The following KHDRBS2 variants were observed in gnomAD, a reference collection of about 807,000 sequenced individuals.
KHDRBS2 encodes KH domain-containing, RNA-binding, signal transduction-associated protein 2.
KHDRBS2 carries 26 observed loss-of-function variants against 44.3 expected under a neutral mutation model. The observed-to-expected ratio is 0.59, with a 90% confidence interval of 0.43 to 0.81. The LOEUF is 0.81. Ranked by LOEUF, KHDRBS2 falls within the 40% of genes least tolerant of loss-of-function variation. The pLI, the probability that KHDRBS2 is intolerant of heterozygous loss-of-function variation, is 0.00. For missense variants in KHDRBS2, 476 were observed against 433.1 expected, an observed-to-expected ratio of 1.10 and a Z score of -0.88; for synonymous variants, 194 against 151.1, an observed-to-expected ratio of 1.28 and a Z score of -2.08.
At chr6:61,764,019 C>A (rs1177312917) in intron 6 of KHDRBS2, among the ~76,000 whole-genome samples, 1 of 151,978 alleles carries the variant, frequency 6.6e-6, no homozygotes, top group Admixed American at 6.6e-5. Flanking sequence ...TGTGTTCTTC[C>A]CCTCCCTGTG....
At chr6:61,713,745 A>G (rs1770913692) in intron 7 of KHDRBS2, among the ~76,000 whole-genome samples, 2 of 151,774 alleles carry the variant, frequency 1.3e-5, no homozygotes, top group Admixed American at 6.6e-5. Context: ...CCACATATTT[A>G]CAGCCATCTG....
intron 1 of KHDRBS2, among the ~76,000 whole-genome samples, chr6:62,259,743 C>T (rs1369444697): frequency 6.6e-6 from 1 of 151,792 alleles, no homozygotes; most frequent in Non-Finnish European, 1.5e-5. Flanking sequence ...AAGGTAAAAG[C>T]CACTCCAAGG....
chr6:61,747,523 A>C (rs1777045387), intron 6 of KHDRBS2, among the ~76,000 whole-genome samples: 1 of 152,162 alleles, frequency 6.6e-6, no homozygotes, highest in Admixed American at 6.5e-5. Flanking sequence ...AGCAATTTTT[A>C]CACATTATTT....
chr6:62,092,056 T>C (rs1180354531), intron 2 of KHDRBS2, among the ~76,000 whole-genome samples: 2 of 152,188 alleles, frequency 1.3e-5, no homozygotes, highest in East Asian at 3.8e-4. Flanking sequence ...AGTAGGACTC[T>C]TGTTACTATT....
At chr6:62,045,730 A>T (rs1033855096) in intron 3 of KHDRBS2, among the ~76,000 whole-genome samples, 4 of 152,038 alleles carry the variant, frequency 2.6e-5, no homozygotes, top group Non-Finnish European at 5.9e-5. Context: ...AATAATTAGA[A>T]AAAACAAAAT....
the KHDRBS2 span, among the ~76,000 whole-genome samples, chr6:61,671,886 G>A: frequency 6.6e-6 from 1 of 151,554 alleles, no homozygotes; most frequent in Admixed American, 6.6e-5. Context: ...TAGGGTACAT[G>A]TGCACAATGT....
intron 6 of KHDRBS2, among the ~76,000 whole-genome samples, chr6:61,803,240 T>C (rs1786572120): frequency 6.6e-6 from 1 of 152,136 alleles, no homozygotes; most frequent in Admixed American, 6.5e-5. Context: ...ACAATTACTT[T>C]GCAGGCAGTA....
intron 4 of KHDRBS2, among the ~76,000 whole-genome samples, chr6:61,936,607 C>T (rs1013746598): frequency 2.0e-5 from 3 of 151,776 alleles, no homozygotes; most frequent in African/African-American, 7.2e-5. Flanking sequence ...TGGTTTCCTT[C>T]GGGCTTCAGC....
the KHDRBS2 span, among the ~76,000 whole-genome samples, chr6:61,545,060 C>T: frequency 1.3e-5 from 2 of 151,912 alleles, no homozygotes; most frequent in African/African-American, 2.4e-5. Flanking sequence ...GGCACATGTA[C>T]CCTAAAACTT....
At chr6:61,817,096 C>A in intron 6 of KHDRBS2, 1 of 382,478 alleles carries the variant, frequency 2.6e-6, no homozygotes, top group East Asian at 7.4e-5. Context: ...AAAGCAATCA[C>A]ATTTCTCTAG....
At chr6:62,118,052 A>C (rs1806701243) in intron 2 of KHDRBS2, among the ~76,000 whole-genome samples, 2 of 152,198 alleles carry the variant, frequency 1.3e-5, no homozygotes, top group African/African-American at 4.8e-5. Flanking sequence ...TTGAGATTAC[A>C]GGCGTGAGCC....
At chr6:62,270,062 G>A (rs1388001509) in intron 1 of KHDRBS2, among the ~76,000 whole-genome samples, 1 of 152,120 alleles carries the variant, frequency 6.6e-6, no homozygotes, top group East Asian at 1.9e-4. Flanking sequence ...GGTTCTTAAA[G>A]GAATTGGAGG....
chr6:61,843,023 C>T (rs1249766172), intron 6 of KHDRBS2, among the ~76,000 whole-genome samples: 1 of 149,096 alleles, frequency 6.7e-6, no homozygotes. Flanking sequence ...AGTTCTGATA[C>T]ATGTTAAAAA....
At chr6:62,013,644 T>C (rs527733431) in intron 3 of KHDRBS2, among the ~76,000 whole-genome samples, 1 of 152,294 alleles carries the variant, frequency 6.6e-6, no homozygotes, top group East Asian at 1.9e-4. Context: ...GAACTAACAC[T>C]CAGTCAGACA....
the KHDRBS2 span, among the ~76,000 whole-genome samples, chr6:61,660,072 G>A: frequency 2.8e-4 from 42 of 151,838 alleles, no homozygotes; most frequent in African/African-American, 9.2e-4. Context: ...CATCCCTACT[G>A]GGACACATCT....
At chr6:62,059,123 C>A (rs1213062901) in intron 2 of KHDRBS2, among the ~76,000 whole-genome samples, 1 of 143,016 alleles carries the variant, frequency 7.0e-6, no homozygotes, top group Non-Finnish European at 1.5e-5. Context: ...CTAATAGTGC[C>A]ATAGAAGCAG....
At chr6:62,027,951 A>C (rs1200144516) in intron 3 of KHDRBS2, among the ~76,000 whole-genome samples, 1 of 152,108 alleles carries the variant, frequency 6.6e-6, no homozygotes, top group African/African-American at 2.4e-5. Flanking sequence ...AACCCGAGGA[A>C]GTCGTTGTAG....
the KHDRBS2 span, among the ~76,000 whole-genome samples, chr6:61,663,262 AG>A: frequency 4.5e-5 from 2 of 43,976 alleles, no homozygotes; most frequent in Non-Finnish European, 7.7e-5. Flanking sequence ...GGGTGGGGGG[AG>A]GGGGGAGGGA....
rs367905658 is a variant in KHDRBS2 at position 62,064,472 on chromosome 6, C to T, written c.220-16478G>A. On this transcript the variant is annotated intron_variant, in intron 2 of 8. Transcript: ENST00000281156. ...AACACAACAGAGCCCTCAGAAATAA[C>T]GCCGCATACCTACAACTATCTGATC... 4.7e-3 allele frequency among the ~76,000 whole-genome samples: 693 copies of T among 147,400 alleles called. 6 individuals carry two copies. Among genetic ancestry groups the T allele is most frequent in the Non-Finnish European group, 5.6e-3 (374 of 66,622 alleles).
Sources: allele counts gnomAD v4.1 joint callset (sites outside exome capture counted in the v4.1 genomes callset), GRCh38; gene constraint gnomAD v4.1.1; transcripts MANE v1.5; gene names NCBI Gene and HGNC (gene_info 2026-07-23, HGNC 2026-07-21).